The following FOXK1 variants were observed in gnomAD, a reference collection of about 807,000 sequenced individuals.
FOXK1 encodes forkhead box protein K1.
Under a neutral mutation model 51.9 loss-of-function variants are expected in FOXK1, and 19 were observed. The observed-to-expected ratio is 0.37, with a 90% confidence interval of 0.26 to 0.54. The LOEUF is 0.54. Among genes scored for constraint, FOXK1 ranks in the 20% least tolerant of loss-of-function variants. The pLI is 0.87. For missense variants in FOXK1, 870 were observed against 1,032.7 expected, an observed-to-expected ratio of 0.84 and a Z score of 2.16; for synonymous variants, 537 against 482.6, an observed-to-expected ratio of 1.11 and a Z score of -1.48.
rs1165923840 is a variant in FOXK1 at position 4,709,816 on chromosome 7, ACTGT to A, written c.560+26953_560+26956del. ...CTTCTCGCTGTTCAGCCAGCAGTTCACTGTCTGTAAAATAGGTCCAAAAGCCATC... is the reference window on the plus strand; with the variant it reads ...CTTCTCGCTGTTCAGCCAGCAGTTCACTGTAAAATAGGTCCAAAAGCCATC... On this transcript the variant is annotated intron_variant, in intron 1 of 8. Coordinates refer to ENST00000328914, the MANE Select transcript of FOXK1 (RefSeq NM_001037165.2). The surrounding 1 kb of genome is among the most constrained non-coding windows in gnomAD (Gnocchi z 5.6). Among the ~76,000 whole-genome samples, 4 of 152,102 alleles carry A rather than the reference ACTGT, an allele frequency of 2.6e-5. No individual in the cohort carries two copies. The highest frequency in any genetic ancestry group is 4.4e-5 in the Non-Finnish European group (3 of 68,014).
At position 4,735,530 on chromosome 7, in the gene FOXK1, A is replaced by G. The variant is rs1780541543; in HGVS notation, c.561-5308A>G. ...GTCCCCCCTGCCTGTCCCACCCGTC[A>G]CTCCAGCCCTAGGCAACCACTAAGC... On this transcript the variant is annotated intron_variant, in intron 1 of 8. Coordinates refer to ENST00000328914, the MANE Select transcript of FOXK1 (RefSeq NM_001037165.2). The surrounding 1 kb of genome is among the most constrained non-coding windows in gnomAD (Gnocchi z 4.7). 6.6e-6 allele frequency among the ~76,000 whole-genome samples: 1 copy of G among 151,954 alleles called. No individual in the cohort carries two copies. Among genetic ancestry groups the G allele is most frequent in the East Asian group, 1.9e-4 (1 of 5,180 alleles).
rs145399016 is a variant in FOXK1 at position 4,747,912 on chromosome 7, C to T, written c.747-6547C>T. On this transcript the variant is annotated intron_variant, in intron 2 of 8. Coordinates refer to ENST00000328914, the MANE Select transcript of FOXK1 (RefSeq NM_001037165.2). This position sits in a 1 kb window ranked among gnomAD's most constrained non-coding sequence, Gnocchi z 9.2. ...CCAGGCCGGAGTGCAGTGGTCCGGT[C>T]ACGGCTCGCTGCAGCCTCGACCTCC... Among the ~76,000 whole-genome samples, 2,508 of 152,198 alleles carry T rather than the reference C, an allele frequency of 0.016. 27 individuals carry two copies. Among genetic ancestry groups the T allele is most frequent in the Non-Finnish European group, 0.025 (1,671 of 68,016 alleles).
intron 1 of FOXK1, among the ~76,000 whole-genome samples, chr7:4,717,316 G>A (rs1434313718): frequency 4.0e-5 from 6 of 148,710 alleles, no homozygotes; most frequent in African/African-American, 1.2e-4. Context: ...AGGTGGTGGC[G>A]GGAGGTGCGT....
At position 4,754,478 on chromosome 7, in the gene FOXK1, G is replaced by T. The variant is rs1267015618; in HGVS notation, c.766G>T (p.Ala256Ser). 12 of 1,613,122 alleles carry T rather than the reference G, an allele frequency of 7.4e-6. No homozygotes were observed. The African/African-American group carries it at 1.6e-4, about 22-fold the overall frequency. Residue 256 changes from alanine to serine, a missense_variant, in exon 3 of 9, where the codon GCC becomes TCC. Physicochemically the swap from Ala to Ser is moderately conservative, Grantham distance 99. Coordinates refer to ENST00000328914, the MANE Select transcript of FOXK1 (RefSeq NM_001037165.2). ...GTISVPNSCP[A>S]SPRGAGSSSY... ...CCTCAGTGTCCCCAACTCCTGCCCA[G>T]CCAGTCCACGCGGTGCCGGCTCCTC...
Position 4,744,370 on chromosome 7 carries a change from G to A in FOXK1, c.746+3347G>A, listed in dbSNP as rs188637234. Among the ~76,000 whole-genome samples the A allele has an allele frequency of 1.2e-4, 18 of 152,256 alleles. 1 individual carries two copies. In the East Asian group the frequency reaches 2.7e-3, roughly 23 times the overall value. Reference sequence around the variant, plus strand: ...TCCCGTTACCTAAAGGGTGAACCGCGTACCCCGTAGGTCATCTTTCACCCC... The same window carrying A: ...TCCCGTTACCTAAAGGGTGAACCGCATACCCCGTAGGTCATCTTTCACCCC... On this transcript the variant is annotated intron_variant, in intron 2 of 8. Transcript: ENST00000328914.
At chr7:4,696,797 G>A (rs1033554126) in intron 1 of FOXK1, among the ~76,000 whole-genome samples, 2 of 152,228 alleles carry the variant, frequency 1.3e-5, no homozygotes, top group African/African-American at 2.4e-5. Context: ...GCCAGGTGCT[G>A]TGGCTCACGC....
Position 4,709,341 on chromosome 7 carries a change from G to C in FOXK1, c.560+26473G>C, listed in dbSNP as rs936147185. ...GGCCGCCTACTGTGCCTCCTTCCCA[G>C]TGTCACGTTGCTGCGTCCACGAGCC... is the stretch of plus-strand genomic sequence containing the variant. On this transcript the variant is annotated intron_variant, in intron 1 of 8. Transcript: ENST00000328914. The surrounding 1 kb of genome is among the most constrained non-coding windows in gnomAD (Gnocchi z 5.6). Among the ~76,000 whole-genome samples, 1 of 152,206 alleles carries C rather than the reference G, an allele frequency of 6.6e-6. No homozygotes were observed. The highest frequency in any genetic ancestry group is 1.5e-5 in the Non-Finnish European group (1 of 68,042).
At position 4,756,377 on chromosome 7, in the gene FOXK1, A is replaced by G. The variant is rs1215435505; in HGVS notation, c.1051-617A>G. 6.6e-6 allele frequency among the ~76,000 whole-genome samples: 1 copy of G among 151,956 alleles called. No individual in the cohort carries two copies. The highest frequency in any genetic ancestry group is 1.5e-5 in the Non-Finnish European group (1 of 67,976). On this transcript the variant is annotated intron_variant, in intron 4 of 8. Transcript: ENST00000328914. The surrounding 1 kb of genome is among the most constrained non-coding windows in gnomAD (Gnocchi z 4.1). ...TAATCCTGCCAGCCTCGGCTTCCCA[A>G]AGTGCTGGGATTACAGGCGTGAGCC...
Position 4,711,408 on chromosome 7 carries a change from T to C in FOXK1, c.560+28540T>C, listed in dbSNP as rs147791353. Reference sequence around the variant, plus strand: ...GTGGGTCCCAGCCAGCCGCCAGCTCTCCCTGGAGTGATTCCTGGATGTTGA... The same window carrying C: ...GTGGGTCCCAGCCAGCCGCCAGCTCCCCCTGGAGTGATTCCTGGATGTTGA... On this transcript the variant is annotated intron_variant, in intron 1 of 8. Coordinates refer to ENST00000328914, the MANE Select transcript of FOXK1 (RefSeq NM_001037165.2). This position sits in a 1 kb window ranked among gnomAD's most constrained non-coding sequence, Gnocchi z 6.3. Among the ~76,000 whole-genome samples the C allele has an allele frequency of 0.015, 2,357 of 152,164 alleles. 30 individuals carry two copies. Among genetic ancestry groups the C allele is most frequent in the Middle Eastern group, 0.051 (15 of 294 alleles).
rs1780953954 is a variant in FOXK1, at chr7:4,762,768, G to A, written c.*304G>A. 5.2e-6 allele frequency: 2 copies of A among 383,794 alleles called. No homozygotes were observed. Among genetic ancestry groups the A allele is most frequent in the Non-Finnish European group, 4.9e-6 (1 of 205,458 alleles). 23.8% of individuals were successfully genotyped at this position (383,794 alleles called of 1,614,324 possible). A position where few individuals can be genotyped will look rare whatever the true frequency, so the allele number is the denominator to read the frequency against. ...CCTCCCTGTCGGGCATGGGGAGGAG[G>A]TTGGAGCTCAGCATCTTGAGGAATG... On this transcript the variant is annotated 3_prime_UTR_variant, in exon 9 of 9. Coordinates refer to ENST00000328914, the MANE Select transcript of FOXK1 (RefSeq NM_001037165.2). The surrounding 1 kb of genome is among the most constrained non-coding windows in gnomAD (Gnocchi z 5.7).
intron 2 of FOXK1, among the ~76,000 whole-genome samples, chr7:4,742,997 CTG>C (rs1780654871): frequency 6.6e-6 from 1 of 152,182 alleles, no homozygotes; most frequent in African/African-American, 2.4e-5. Context: ...GCATGGTCAC[CTG>C]TGTGACTCTG....
Position 4,722,586 on chromosome 7 carries a change from T to G in FOXK1, c.561-18252T>G, listed in dbSNP as rs1487807888. ...TGCGTGCAGCACGGGCACACTCGTA[T>G]ACAACGGGCACACATGCACGTCAGC... On this transcript the variant is annotated intron_variant, in intron 1 of 8. Coordinates refer to ENST00000328914, the MANE Select transcript of FOXK1 (RefSeq NM_001037165.2). The surrounding 1 kb of genome is among the most constrained non-coding windows in gnomAD (Gnocchi z 5.1). 6.6e-6 allele frequency among the ~76,000 whole-genome samples: 1 copy of G among 152,244 alleles called. No homozygotes were observed. Among genetic ancestry groups the G allele is most frequent in the African/African-American group, 2.4e-5 (1 of 41,470 alleles).
In FOXK1 at chr7:4,715,530, A is replaced by G. The variant is rs547417775; in HGVS notation, c.561-25308A>G. ...CCGAGCTCTGAGAAGCTCTTCATCTATCAGCAGTCAGCTTTCCACTTAAGC... is the reference window on the plus strand; with the variant it reads ...CCGAGCTCTGAGAAGCTCTTCATCTGTCAGCAGTCAGCTTTCCACTTAAGC... On this transcript the variant is annotated intron_variant, in intron 1 of 8. Transcript: ENST00000328914. This position sits in a 1 kb window ranked among gnomAD's most constrained non-coding sequence, Gnocchi z 4.5. Among the ~76,000 whole-genome samples the G allele has an allele frequency of 3.3e-5, 5 of 152,306 alleles. No homozygotes were observed. Among genetic ancestry groups the G allele is most frequent in the East Asian group, 3.9e-4 (2 of 5,184 alleles).
At chr7:4,688,469 T>C (rs1779848889) in intron 1 of FOXK1, among the ~76,000 whole-genome samples, 2 of 152,214 alleles carry the variant, frequency 1.3e-5, no homozygotes, top group African/African-American at 2.4e-5. Flanking sequence ...GGCACTATCT[T>C]GGCTCACTGC....
chr7:4,717,553 C>G (rs62453200), intron 1 of FOXK1, among the ~76,000 whole-genome samples: 65,460 of 151,084 alleles, frequency 0.43, 15,241 homozygotes, highest in African/African-American at 0.6. Flanking sequence ...AGTGGCAGGA[C>G]GTGCATGGCT....
Position 4,682,522 on chromosome 7 carries a change from G to A in FOXK1, c.214G>A (p.Gly72Arg). 1 of 1,097,876 alleles carries A rather than the reference G, an allele frequency of 9.1e-7. No individual in the cohort carries two copies. Among genetic ancestry groups the A allele is most frequent in the Non-Finnish European group, 1.1e-6 (1 of 904,858 alleles). The allele number at this position is 1,097,876 out of a possible 1,614,324, so 68.0% of individuals were successfully genotyped here. A position where few individuals can be genotyped will look rare whatever the true frequency, so the allele number is the denominator to read the frequency against. ...CGCGATCGCGGGCGCGGGCTCCTCC[G>A]GGGGCTCCTCCGGGGTATCCGGGGA... is the stretch of plus-strand genomic sequence containing the variant. ...PGAIAGAGSS[G>R]GSSGVSGDSA... Residue 72 changes from glycine (G) to arginine (R), a missense_variant, in exon 1 of 9, where the codon GGG becomes AGG. Physicochemically the swap from Gly to Arg is moderately radical, Grantham distance 125. This residue lies in a region of FOXK1 where 399 missense variants were observed against 475.6 expected (regional missense o/e 0.84). Transcript: ENST00000328914. This position sits in a 1 kb window ranked among gnomAD's most constrained non-coding sequence, Gnocchi z 7.6.
At chr7:4,694,860 G>T (rs1414684361) in intron 1 of FOXK1, among the ~76,000 whole-genome samples, 3 of 152,084 alleles carry the variant, frequency 2.0e-5, no homozygotes, top group African/African-American at 7.2e-5. Context: ...GCCCCGGGTG[G>T]GATTAGTCGT....
rs367944905 is a variant in FOXK1, at chr7:4,759,028, C to G, written c.1245-23C>G. ...ATCCCTCAGCGCGGGCGCTGACTGCCGCGGCCCTTGCCTGTCTTCCAGGAG... is the reference window on the plus strand; with the variant it reads ...ATCCCTCAGCGCGGGCGCTGACTGCGGCGGCCCTTGCCTGTCTTCCAGGAG... On this transcript the variant is annotated intron_variant, in intron 5 of 8. Transcript: ENST00000328914. The G allele has an allele frequency of 3.8e-6, 6 of 1,564,298 alleles. No homozygotes were observed. In the African/African-American group the frequency reaches 6.8e-5, roughly 18 times the overall value.
In FOXK1 at chr7:4,713,465, A is replaced by G. The variant is rs955622796; in HGVS notation, c.561-27373A>G. On this transcript the variant is annotated intron_variant, in intron 1 of 8. Coordinates refer to ENST00000328914, the MANE Select transcript of FOXK1 (RefSeq NM_001037165.2). Reference sequence around the variant, plus strand: ...GCCCTGCGAGGTCAGCTCCCTAAACAAGAGAATTTGCATAACCACCGTGTT... The same window carrying G: ...GCCCTGCGAGGTCAGCTCCCTAAACGAGAGAATTTGCATAACCACCGTGTT... Among the ~76,000 whole-genome samples, 6 of 151,224 alleles carry G rather than the reference A, an allele frequency of 4.0e-5. No individual in the cohort carries two copies. In the South Asian group the frequency reaches 1.2e-3, roughly 31 times the overall value.
Sources: gnomAD v4.1 joint callset for allele counts (sites outside exome capture counted in the v4.1 genomes callset) on GRCh38, gnomAD v4.1.1 for gene constraint, gnomAD v4.1.1 regional missense constraint, Gnocchi (gnomAD v3.1) non-coding constraint, MANE v1.5 for transcripts, NCBI Gene and HGNC (gene_info 2026-07-23, HGNC 2026-07-21) for gene names.